Variants in SLC22A23 observed in about 807,000 individuals in gnomAD.
SLC22A23 encodes the protein ion transporter protein.
SLC22A23 carries 26 observed loss-of-function variants against 61.0 expected under a neutral mutation model. The observed-to-expected ratio is 0.43, with a 90% CI of 0.31 to 0.59. SLC22A23 has a LOEUF of 0.59. Ranked by LOEUF, SLC22A23 falls within the 20% of genes least tolerant of loss-of-function variation. SLC22A23 has a pLI of 0.11. For missense variants in SLC22A23, 796 were observed against 934.7 expected (o/e 0.85, Z 1.94); for synonymous variants, 430 against 413.9 (o/e 1.04, Z -0.47).
At chr6:3,447,881 C>T (rs1771978534) in intron 1 of SLC22A23, among the ~76,000 whole-genome samples, 1 of 145,150 alleles carries the variant, frequency 6.9e-6, no homozygotes, top group African/African-American at 2.6e-5. Flanking sequence ...AGCTACCATG[C>T]CTGGCCTCTC....
At chr6:3,370,618 G>C (rs979858571) in intron 3 of SLC22A23, among the ~76,000 whole-genome samples, 11 of 152,278 alleles carry the variant, frequency 7.2e-5, no homozygotes, top group African/African-American at 2.7e-4. Flanking sequence ...ACCTGACTCA[G>C]GTCTGTGTGC....
In SLC22A23 at chr6:3,342,080, G is replaced by C. The variant is rs1192812710; in HGVS notation, c.914-18078C>G. Among the ~76,000 whole-genome samples, 1 of 152,064 alleles carries C rather than the reference G, an allele frequency of 6.6e-6. No homozygotes were observed. The highest frequency in any genetic ancestry group is 1.5e-5 in the Non-Finnish European group (1 of 68,016). ...TAATTAAGATTTCTTCTTAATGAAA[G>C]CTGCTAGTTTAGGTTCAGCAGCTCC... On this transcript the variant is annotated intron_variant, in intron 3 of 9. Transcript: ENST00000406686. The surrounding 1 kb of genome is among the most constrained non-coding windows in gnomAD (Gnocchi z 4.0).
chr6:3,324,918 A>G lies in SLC22A23; in HGVS notation c.914-916T>C, dbSNP rs1164337092. Among the ~76,000 whole-genome samples the G allele has an allele frequency of 6.6e-6, 1 of 152,274 alleles. No homozygotes were observed. Among genetic ancestry groups the G allele is most frequent in the Non-Finnish European group, 1.5e-5 (1 of 68,054 alleles). On this transcript the variant is annotated intron_variant, in intron 3 of 9. Transcript: ENST00000406686. The surrounding 1 kb of genome is among the most constrained non-coding windows in gnomAD (Gnocchi z 4.3). Reference sequence around the variant, plus strand: ...CTGTGGCACCCAAGTGACAACCAATACAGACTTACTACTACGTGAATCACC... The same window carrying G: ...CTGTGGCACCCAAGTGACAACCAATGCAGACTTACTACTACGTGAATCACC...
intron 9 of SLC22A23, among the ~76,000 whole-genome samples, chr6:3,280,402 G>A (rs1333493457): frequency 6.6e-6 from 1 of 151,264 alleles, no homozygotes; most frequent in East Asian, 1.9e-4. Flanking sequence ...TCGCTCGCAC[G>A]CCACAGGCGC....
At chr6:3,283,473 A>T in intron 9 of SLC22A23, 1 of 284,676 alleles carries the variant, frequency 3.5e-6, no homozygotes. Flanking sequence ...TTTGTGAAAC[A>T]TTTTGCACTA....
At chr6:3,289,086 C>T (rs976013056) in intron 6 of SLC22A23, among the ~76,000 whole-genome samples, 15 of 152,250 alleles carry the variant, frequency 9.9e-5, no homozygotes, top group African/African-American at 1.9e-4. Context: ...CCCTTCCCTC[C>T]GCCACCTTGG....
rs150602828 is a variant in SLC22A23, at chr6:3,344,310, A to G, written c.914-20308T>C. On this transcript the variant is annotated intron_variant, in intron 3 of 9. Transcript: ENST00000406686. Reference sequence around the variant, plus strand: ...AACCAAACAAATTTTTTAAAAAAGTAGTATTTCACATATATGGAAAAAGCA... The same window carrying G: ...AACCAAACAAATTTTTTAAAAAAGTGGTATTTCACATATATGGAAAAAGCA... Among the ~76,000 whole-genome samples, 206 of 152,386 alleles carry G rather than the reference A, an allele frequency of 1.4e-3. 1 individual carries two copies. Among genetic ancestry groups the G allele is most frequent in the African/African-American group, 4.6e-3 (193 of 41,588 alleles).
At chr6:3,431,006 T>C (rs1770820965) in intron 1 of SLC22A23, among the ~76,000 whole-genome samples, 1 of 144,350 alleles carries the variant, frequency 6.9e-6, no homozygotes, top group Non-Finnish European at 1.5e-5. Flanking sequence ...GCGGAGGTTG[T>C]GGTGAGCCGA....
chr6:3,445,017 AGGT>A, intron 1 of SLC22A23: 3 of 982,754 alleles, frequency 3.1e-6, no homozygotes, highest in Non-Finnish European at 3.6e-6. Context: ...GCTGTTTGCC[AGGT>A]ACGTGGGGGT....
At chr6:3,404,854 G>A (rs1387204086) in intron 3 of SLC22A23, among the ~76,000 whole-genome samples, 1 of 152,050 alleles carries the variant, frequency 6.6e-6, no homozygotes, top group Non-Finnish European at 1.5e-5. Flanking sequence ...GGTTAGTAAT[G>A]TGTTTCCAGT....
intron 9 of SLC22A23, among the ~76,000 whole-genome samples, chr6:3,273,948 T>C (rs1382302867): frequency 2.6e-5 from 4 of 152,188 alleles, no homozygotes; most frequent in Non-Finnish European, 4.4e-5. Flanking sequence ...CACTGTGAGT[T>C]GATGGCCCAC....
rs371359993 is a variant in SLC22A23, at chr6:3,287,100, A to T, written c.1314-9T>A. On this transcript the variant is annotated splice_polypyrimidine_tract_variant and intron_variant, in intron 6 of 9. Coordinates refer to ENST00000406686, the MANE Select transcript of SLC22A23 (RefSeq NM_015482.2). ...TCCCGTACCCCGTCAGCCTGTGGAG[A>T]CATACCGAGCGGCAGTGGGTGGGCT... 10 of 1,613,350 alleles carry T rather than the reference A, an allele frequency of 6.2e-6. No homozygotes were observed. Among genetic ancestry groups the T allele is most frequent in the Non-Finnish European group, 8.5e-6 (10 of 1,179,624 alleles).
At chr6:3,293,587 T>C (rs1760814158) in intron 5 of SLC22A23, among the ~76,000 whole-genome samples, 3 of 152,252 alleles carry the variant, frequency 2.0e-5, no homozygotes, top group Admixed American at 2.0e-4. Context: ...CTCTGTCATC[T>C]CTGTCCTCGT....
chr6:3,316,033 C>T (rs1189156807), intron 4 of SLC22A23, among the ~76,000 whole-genome samples: 7 of 152,158 alleles, frequency 4.6e-5, no homozygotes, highest in Admixed American at 1.3e-4. Context: ...TTAAAACACA[C>T]GCTGCCAGGC....
chr6:3,449,409 G>A (rs533250793), intron 1 of SLC22A23, among the ~76,000 whole-genome samples: 68 of 152,236 alleles, frequency 4.5e-4, no homozygotes, highest in African/African-American at 1.5e-3. Context: ...ATGGTTACAA[G>A]TCATCCAGAA....
Position 3,456,170 on chromosome 6 carries a change from C to A in SLC22A23, c.390G>T (p.Gly130=). ...CTGCCAGCTCGGTGCCTTTGCCGGC[C>A]CCGCGGCACCAGAAGTTGGGCTGGT... ...LLDQPNFWCR[G]AGKGTELAGV... Residue 130 remains glycine, a synonymous_variant, in exon 1 of 10, where the codon GGG becomes GGT. Coordinates refer to ENST00000406686, the MANE Select transcript of SLC22A23 (RefSeq NM_015482.2). The surrounding 1 kb of genome is among the most constrained non-coding windows in gnomAD (Gnocchi z 7.1). The A allele has an allele frequency of 6.4e-7, 1 of 1,551,290 alleles. No homozygotes were observed. Among genetic ancestry groups the A allele is most frequent in the Non-Finnish European group, 8.7e-7 (1 of 1,146,856 alleles).
At position 3,414,213 on chromosome 6, in the gene SLC22A23, G is replaced by C. The variant is rs1480420381; in HGVS notation, c.758+1539C>G. Among the ~76,000 whole-genome samples the C allele has an allele frequency of 6.6e-6, 1 of 152,036 alleles. No homozygotes were observed. The highest frequency in any genetic ancestry group is 1.5e-5 in the Non-Finnish European group (1 of 68,002). The stretch of plus-strand genomic sequence containing the variant: ...CCCCAGTTGAGTTTGCATTTTTTTA[G>C]AAAGACAGTGACATGGATTATATTA... On this transcript the variant is annotated intron_variant, in intron 2 of 9. Transcript: ENST00000406686. The surrounding 1 kb of genome is among the most constrained non-coding windows in gnomAD (Gnocchi z 5.1).
rs1383750197 is a variant in SLC22A23, at chr6:3,285,494, C to T, written c.1547-383G>A. On this transcript the variant is annotated intron_variant, in intron 7 of 9. Transcript: ENST00000406686. ...TGCCCCTGCCAGCCCCAGCTCTGCTCCTCACGGCTGCTTGGTGTTCGCCTG... is the reference window on the plus strand; with the variant it reads ...TGCCCCTGCCAGCCCCAGCTCTGCTTCTCACGGCTGCTTGGTGTTCGCCTG... Among the ~76,000 whole-genome samples, 7 of 152,224 alleles carry T rather than the reference C, an allele frequency of 4.6e-5. 1 individual carries two copies. The highest frequency in any genetic ancestry group is 9.7e-5 in the African/African-American group (4 of 41,444).
At chr6:3,440,039 G>A (rs1280074502) in intron 1 of SLC22A23, among the ~76,000 whole-genome samples, 1 of 152,166 alleles carries the variant, frequency 6.6e-6, no homozygotes, top group Non-Finnish European at 1.5e-5. Context: ...CGGAGGATTT[G>A]AAGCAAGGGA....
Sources: allele counts gnomAD v4.1 joint callset (sites outside exome capture counted in the v4.1 genomes callset), GRCh38; gene constraint gnomAD v4.1.1; non-coding constraint Gnocchi (gnomAD v3.1); transcripts MANE v1.5; gene names NCBI Gene and HGNC (gene_info 2026-07-23, HGNC 2026-07-21).